CCDC181: variants seen among roughly 807,000 people sequenced by gnomAD.
CCDC181 encodes the protein coiled-coil domain-containing protein 181.
A neutral mutation model predicts 58.7 loss-of-function variants in CCDC181; 35 were observed. That is an observed-to-expected ratio of 0.60 (90% confidence interval 0.46 to 0.79). The LOEUF is 0.79. Ranked by LOEUF, CCDC181 falls within the 30% of genes least tolerant of loss-of-function variation. CCDC181 has a pLI of 0.00. For synonymous variants in CCDC181, 183 were observed against 197.5 expected (o/e 0.93, Z 0.62); for missense variants, 517 against 583.9 (o/e 0.89, Z 1.18).
At chr1:169,411,003 A>C (rs1655934018) in intron 4 of CCDC181, among the ~76,000 whole-genome samples, 2 of 152,322 alleles carry the variant, frequency 1.3e-5, no homozygotes, top group South Asian at 4.1e-4. Flanking sequence ...GAGCAAACAC[A>C]TTCAAAAGCT....
chr1:169,423,751 A>G (rs941554670), intron 2 of CCDC181, among the ~76,000 whole-genome samples: 1 of 151,946 alleles, frequency 6.6e-6, no homozygotes, highest in Admixed American at 6.6e-5. Flanking sequence ...TCCAGTCTTG[A>G]GAAATTGGTT....
chr1:169,398,550 G>T (rs1429205373), intron 4 of CCDC181, among the ~76,000 whole-genome samples: 1 of 152,052 alleles, frequency 6.6e-6, no homozygotes, highest in Admixed American at 6.6e-5. Context: ...TAAAGTACTG[G>T]GTTGCATTAA....
chr1:169,419,581 A>G (rs1207522790), intron 3 of CCDC181, among the ~76,000 whole-genome samples: 1 of 152,218 alleles, frequency 6.6e-6, no homozygotes, highest in Non-Finnish European at 1.5e-5. Flanking sequence ...TCTACCAAAC[A>G]GCATAAAATA....
intron 4 of CCDC181, among the ~76,000 whole-genome samples, chr1:169,416,525 G>A (rs991514532): frequency 6.6e-6 from 1 of 151,968 alleles, no homozygotes; most frequent in African/African-American, 2.4e-5. Context: ...AACCTTACAT[G>A]TTTCTGATTG....
At position 169,439,052 on chromosome 1, in the gene CCDC181, C is replaced by G. The variant is rs568632700; in HGVS notation, c.-23-14102G>C. Among the ~76,000 whole-genome samples, 6 of 152,120 alleles carry G rather than the reference C, an allele frequency of 3.9e-5. No individual in the cohort carries two copies. The South Asian group carries it at 1.2e-3, about 32-fold the overall frequency. On this transcript the variant is annotated intron_variant, in intron 2 of 6. Coordinates refer to the CCDC181 transcript ENST00000545005. ...CTAGTTAGGGAGAGCCAACTGAGAC[C>G]CCCCCAGGAGCTGAACTGAGACAGA...
intron 2 of CCDC181, among the ~76,000 whole-genome samples, chr1:169,453,082 C>CA (rs1027033280): frequency 1.1e-3 from 156 of 137,942 alleles, no homozygotes; most frequent in Middle Eastern, 7.1e-3. Context: ...ATTGAAACGA[C>CA]AAAAAAAAAA....
At chr1:169,456,727 ACC>A (rs1657684731) in intron 2 of CCDC181, among the ~76,000 whole-genome samples, 1 of 152,192 alleles carries the variant, frequency 6.6e-6, no homozygotes, top group South Asian at 2.1e-4. Context: ...GAAGGCTTTC[ACC>A]ACATGCAGTC....
chr1:169,420,147 C>A (rs748155643), intron 3 of CCDC181, among the ~76,000 whole-genome samples: 3 of 152,136 alleles, frequency 2.0e-5, no homozygotes, highest in Non-Finnish European at 4.4e-5. Context: ...ACCTGTATAA[C>A]TTTTGTAAAA....
At chr1:169,435,726 T>A (rs985614448) in intron 2 of CCDC181, among the ~76,000 whole-genome samples, 1 of 152,188 alleles carries the variant, frequency 6.6e-6, no homozygotes, top group Non-Finnish European at 1.5e-5. Flanking sequence ...AGAGTATCTT[T>A]ATTGATATTC....
chr1:169,438,805 G>C (rs1476591898), intron 2 of CCDC181, among the ~76,000 whole-genome samples: 1 of 152,186 alleles, frequency 6.6e-6, no homozygotes, highest in African/African-American at 2.4e-5. Flanking sequence ...ATAAGGGGGG[G>C]TTCTGAGTTA....
intron 2 of CCDC181, among the ~76,000 whole-genome samples, chr1:169,456,654 A>G (rs1657682834): frequency 6.6e-6 from 1 of 152,152 alleles, no homozygotes; most frequent in African/African-American, 2.4e-5. Context: ...TCCTCTTGCC[A>G]TGTGATACCC....
At chr1:169,428,379 G>A (rs891775279), upstream of CCDC181, among the ~76,000 whole-genome samples, 5 of 152,108 alleles carry the variant, frequency 3.3e-5, no homozygotes, top group East Asian at 3.9e-4. Flanking sequence ...TTTAATGGAT[G>A]TAGAGTTGTA....
chr1:169,426,147 C>CA (rs978437064), intron 1 of CCDC181, among the ~76,000 whole-genome samples: 4 of 151,902 alleles, frequency 2.6e-5, no homozygotes, highest in East Asian at 3.9e-4. Context: ...AACTTAAAAA[C>CA]AAAAAAACAC....
intron 4 of CCDC181, among the ~76,000 whole-genome samples, chr1:169,405,943 T>TAAAC (rs71121776): frequency 0.67 from 101,125 of 151,362 alleles, 33,942 homozygotes; most frequent in East Asian, 0.93. Flanking sequence ...ACAAAGAGCT[T>TAAAC]AAATTTACAA....
At chr1:169,413,480 A>G (rs1656069203) in intron 4 of CCDC181, among the ~76,000 whole-genome samples, 1 of 152,186 alleles carries the variant, frequency 6.6e-6, no homozygotes, top group African/African-American at 2.4e-5. Flanking sequence ...AGGCTCTAGA[A>G]CCAGAAATAC....
chr1:169,413,595 A>C (rs1057125641), intron 4 of CCDC181, among the ~76,000 whole-genome samples: 2 of 152,230 alleles, frequency 1.3e-5, no homozygotes, highest in Non-Finnish European at 2.9e-5. Flanking sequence ...CACTATTCAC[A>C]ATAACAAATA....
At chr1:169,451,742 A>G (rs1307116406) in intron 2 of CCDC181, among the ~76,000 whole-genome samples, 1 of 152,130 alleles carries the variant, frequency 6.6e-6, no homozygotes, top group Non-Finnish European at 1.5e-5. Flanking sequence ...AAAGAAAAAA[A>G]AAAGATGACA....
chr1:169,458,919 C>T (rs977827978), intron 2 of CCDC181, among the ~76,000 whole-genome samples: 4 of 151,482 alleles, frequency 2.6e-5, no homozygotes, highest in Non-Finnish European at 4.4e-5. Context: ...ACCAAACGTC[C>T]TATTAACTTC....
upstream of CCDC181, among the ~76,000 whole-genome samples, chr1:169,429,445 C>T (rs1429570355): frequency 6.6e-6 from 1 of 152,144 alleles, no homozygotes; most frequent in Non-Finnish European, 1.5e-5. Context: ...CCCTGTTCAC[C>T]ACATCCATGC....
Sources: gnomAD v4.1 joint callset for allele counts (sites outside exome capture counted in the v4.1 genomes callset) on GRCh38, gnomAD v4.1.1 for gene constraint, MANE v1.5 for transcripts, NCBI Gene and HGNC (gene_info 2026-07-23, HGNC 2026-07-21) for gene names.